The following CCDC91 variants were observed in gnomAD, a reference collection of about 807,000 sequenced individuals.
CCDC91 encodes the protein coiled-coil domain containing 91.
In CCDC91, 48 loss-of-function variants were observed where a neutral mutation model predicts 63.2. That is an observed-to-expected ratio of 0.76 (90% CI 0.60 to 0.97). CCDC91 has a LOEUF of 0.97. Among genes scored for constraint, CCDC91 ranks in the 50% least tolerant of loss-of-function variants. The pLI is 0.00. For synonymous variants in CCDC91, 167 were observed against 165.8 expected, an observed-to-expected ratio of 1.01 and a Z score of -0.06; for missense variants, 500 against 494.6, an observed-to-expected ratio of 1.01 and a Z score of -0.10.
chr12:28,417,644 C>T (rs199722038), intron 8 of CCDC91, among the ~76,000 whole-genome samples: 1,844 of 90,796 alleles, frequency 0.02, 33 homozygotes, highest in African/African-American at 0.043. Context: ...TATATATACA[C>T]ACACACACAC....
At chr12:28,304,396 AAAAAAG>A (rs1938455694) in intron 3 of CCDC91, among the ~76,000 whole-genome samples, 3 of 122,664 alleles carry the variant, frequency 2.4e-5, no homozygotes, top group Non-Finnish European at 3.6e-5. Flanking sequence ...AAAAAAAAAA[AAAAAAG>A]AAAAAAAAAA....
intron 12 of CCDC91, among the ~76,000 whole-genome samples, chr12:28,509,255 T>C (rs1278625197): frequency 6.6e-6 from 1 of 151,922 alleles, no homozygotes; most frequent in East Asian, 1.9e-4. Context: ...TCATACGTAG[T>C]CTCCTGCCTC....
chr12:28,287,353 A>G (rs1245855347), intron 3 of CCDC91, among the ~76,000 whole-genome samples: 2 of 152,154 alleles, frequency 1.3e-5, no homozygotes, highest in Non-Finnish European at 2.9e-5. Context: ...TTTACATTTA[A>G]GTCTTTAATC....
At chr12:28,548,939 T>A in intron 12 of CCDC91, 124 bp from the exon 13 acceptor site, 1 of 623,230 alleles carries the variant, frequency 1.6e-6, no homozygotes, top group East Asian at 2.6e-5. Flanking sequence ...AAAGTACTAT[T>A]TGATTTCCTA....
At chr12:28,405,969 G>A (rs375000135) in intron 8 of CCDC91, among the ~76,000 whole-genome samples, 8 of 152,208 alleles carry the variant, frequency 5.3e-5, no homozygotes, top group African/African-American at 1.9e-4. Flanking sequence ...CAAAATAAGA[G>A]TATGTCAGCA....
chr12:28,231,250 T>C (rs1022822534), intron 1 of CCDC91, among the ~76,000 whole-genome samples: 22 of 152,330 alleles, frequency 1.4e-4, no homozygotes, highest in Admixed American at 2.6e-4. Flanking sequence ...CAAAATATTC[T>C]AGCATTTACA....
intron 3 of CCDC91, among the ~76,000 whole-genome samples, chr12:28,304,147 G>A (rs943202662): frequency 7.2e-5 from 11 of 151,942 alleles, no homozygotes; most frequent in African/African-American, 2.2e-4. Flanking sequence ...GGGAGGCCGA[G>A]GCGGGCGGAT....
At chr12:28,325,420 C>T (rs989626504) in intron 6 of CCDC91, among the ~76,000 whole-genome samples, 3 of 151,624 alleles carry the variant, frequency 2.0e-5, no homozygotes, top group South Asian at 4.2e-4. Flanking sequence ...GATACATTAG[C>T]GGAAAAACAA....
chr12:28,281,704 G>A (rs1186160787), intron 3 of CCDC91, among the ~76,000 whole-genome samples: 2 of 152,110 alleles, frequency 1.3e-5, no homozygotes, highest in African/African-American at 4.8e-5. Context: ...TCTGCCATTA[G>A]CAACAGTGTT....
At chr12:28,499,907 G>A (rs1045669271) in intron 12 of CCDC91, among the ~76,000 whole-genome samples, 2 of 152,114 alleles carry the variant, frequency 1.3e-5, no homozygotes, top group Non-Finnish European at 2.9e-5. Flanking sequence ...CTAGATTCTT[G>A]AGGAATCGCC....
intron 12 of CCDC91, among the ~76,000 whole-genome samples, chr12:28,535,995 T>G (rs1379639015): frequency 1.3e-5 from 2 of 151,320 alleles, no homozygotes; most frequent in African/African-American, 4.9e-5. Context: ...CACCACTGCA[T>G]TCCAGCGTGG....
At chr12:28,394,695 A>G (rs773954597) in intron 8 of CCDC91, among the ~76,000 whole-genome samples, 1 of 106,308 alleles carries the variant, frequency 9.4e-6, no homozygotes, top group Non-Finnish European at 2.5e-5. Flanking sequence ...ATTTGGTTCA[A>G]CCTTTTCTGT....
At chr12:28,209,366 A>C (rs1423746257) in intron 1 of CCDC91, among the ~76,000 whole-genome samples, 1 of 152,232 alleles carries the variant, frequency 6.6e-6, no homozygotes, top group Non-Finnish European at 1.5e-5. Flanking sequence ...AAAGCTGAAA[A>C]ATACCACTTT....
At chr12:28,335,033 A>T (rs980121003) in intron 6 of CCDC91, among the ~76,000 whole-genome samples, 2 of 146,714 alleles carry the variant, frequency 1.4e-5, no homozygotes, top group African/African-American at 4.9e-5. Flanking sequence ...AAAAATATAT[A>T]AAATATTTAA....
intron 8 of CCDC91, among the ~76,000 whole-genome samples, chr12:28,429,063 G>C (rs1165106146): frequency 1.3e-5 from 2 of 152,096 alleles, no homozygotes; most frequent in African/African-American, 4.8e-5. Flanking sequence ...AGGTGGTTTT[G>C]GGTCTAACTA....
chr12:28,409,465 A>G (rs1448668643), intron 8 of CCDC91, among the ~76,000 whole-genome samples: 4 of 152,126 alleles, frequency 2.6e-5, no homozygotes, highest in East Asian at 1.9e-4. Flanking sequence ...TGATTAGTTT[A>G]TTAGAGATTT....
chr12:28,393,048 G>A (rs1385295630), intron 8 of CCDC91, among the ~76,000 whole-genome samples: 1 of 152,150 alleles, frequency 6.6e-6, no homozygotes, highest in African/African-American at 2.4e-5. Context: ...CTGCCCACGA[G>A]TAGGGATTGC....
intron 3 of CCDC91, among the ~76,000 whole-genome samples, chr12:28,267,866 TA>T (rs1251552467): frequency 0.23 from 11,907 of 52,700 alleles, 2,440 homozygotes; most frequent in Non-Finnish European, 0.32. Context: ...TATATAATTA[TA>T]TATAATTATA....
At chr12:28,501,165 G>A (rs1404556213) in intron 12 of CCDC91, among the ~76,000 whole-genome samples, 1 of 151,864 alleles carries the variant, frequency 6.6e-6, no homozygotes, top group African/African-American at 2.4e-5. Flanking sequence ...GGGACAATTT[G>A]ATTTCCTCTT....
Sources: allele counts gnomAD v4.1 joint callset (sites outside exome capture counted in the v4.1 genomes callset), GRCh38; gene constraint gnomAD v4.1.1; transcripts MANE v1.5; gene names NCBI Gene and HGNC (gene_info 2026-07-23, HGNC 2026-07-21).